IL4I1: variants seen among roughly 807,000 people sequenced by gnomAD.
The protein encoded by IL4I1 is L-amino-acid oxidase.
IL4I1 carries 24 observed loss-of-function variants against 29.7 expected under a neutral mutation model. The ratio of observed to expected loss-of-function variants is 0.81; its 90% CI spans 0.59 to 1.14. The LOEUF (loss-of-function observed/expected upper bound fraction) is 1.14, where lower values mean the gene tolerates loss of function less well. Ranked by LOEUF, IL4I1 falls within the 50% of genes most tolerant of loss-of-function variation. The probability of loss-of-function intolerance (pLI) is 0.00; values close to 1 mark genes in which losing one functional copy is unlikely to be tolerated. For synonymous variants in IL4I1, 371 were observed against 352.5 expected (o/e 1.05, Z -0.59); for missense variants, 686 against 785.6 (o/e 0.87, Z 1.52).
intron 2 of IL4I1, among the ~76,000 whole-genome samples, chr19:49,923,984 C>T (rs1176524642): frequency 1.3e-5 from 2 of 152,224 alleles, no homozygotes; most frequent in Non-Finnish European, 1.5e-5. Context: ...TTCCATCATG[C>T]CAGGAGGCCA....
chr19:49,889,877 G>A lies in IL4I1; in HGVS notation c.1497C>T (p.Arg499=), dbSNP rs775033645. 16 of 1,602,484 alleles carry A rather than the reference G, an allele frequency of 1.0e-5. No homozygotes were observed. In the South Asian group the frequency reaches 1.8e-4, roughly 18 times the overall value. The stretch of plus-strand genomic sequence containing the variant: ...TCCGGCTGTTGATCTTGATGGCGGC[G>A]CGCAGCGCCGACTTGACCGCCGTCT... ...WVETAVKSAL[R]AAIKINSRKG... Residue 499 remains arginine, a synonymous_variant, in exon 8 of 8, where the codon CGC becomes CGT. Coordinates refer to ENST00000391826, the MANE Select transcript of IL4I1 (RefSeq NM_152899.2).
At chr19:49,913,589 C>CT (rs2075539636) in intron 2 of IL4I1, among the ~76,000 whole-genome samples, 1 of 152,264 alleles carries the variant, frequency 6.6e-6, no homozygotes, top group South Asian at 2.1e-4. Flanking sequence ...TGAGCACTGT[C>CT]CGCGGGACTC....
intron 1 of IL4I1, chr19:49,928,019 C>A (rs2075948175): frequency 6.6e-6 from 1 of 152,306 alleles, no homozygotes; most frequent in Non-Finnish European, 1.5e-5. Flanking sequence ...AAGGACGCAG[C>A]TGGGGCCTCG....
intron 2 of IL4I1, among the ~76,000 whole-genome samples, chr19:49,927,119 C>T (rs1317100089): frequency 6.6e-6 from 1 of 152,080 alleles, no homozygotes; most frequent in Non-Finnish European, 1.5e-5. Context: ...CCTCAGCCTC[C>T]CAGGGTGGTG....
chr19:49,891,044 AC>A lies in IL4I1; in HGVS notation c.699del (p.Met233IlefsTer42), dbSNP rs1374631087. On this transcript the variant is annotated frameshift_variant, in exon 7 of 8. Coordinates refer to ENST00000391826, the MANE Select transcript of IL4I1 (RefSeq NM_152899.2). LOFTEE classifies it high-confidence loss of function. ...CTGAGATAGAAGAAGCCATCCTCGG[AC>A]ATCACGTCTCCCAGAAGCTGCACGG... ...RPAVQLLGDV[M>X]SEDGFFYLSF... The A allele has an allele frequency of 3.7e-6, 6 of 1,612,774 alleles. No homozygotes were observed. The East Asian group carries it at 1.3e-4, about 36-fold the overall frequency.
At chr19:49,910,998 G>C (rs1419439347) in intron 2 of IL4I1, 1 of 152,202 alleles carries the variant, frequency 6.6e-6, no homozygotes, top group East Asian at 1.9e-4. Context: ...CAACCTCCTG[G>C]ACCCAAGTGA....
At chr19:49,910,334 A>C (rs1333420622) in intron 2 of IL4I1, among the ~76,000 whole-genome samples, 2 of 151,902 alleles carry the variant, frequency 1.3e-5, no homozygotes, top group Non-Finnish European at 2.9e-5. Context: ...GCCTCTCTGG[A>C]CCTCAGAGAG....
In IL4I1 at chr19:49,890,345, C is replaced by T. The variant is rs370733407; in HGVS notation, c.1029G>A (p.Ala343=). The T allele has an allele frequency of 4.5e-4, 716 of 1,607,630 alleles. 1 individual carries two copies. The highest frequency in any genetic ancestry group is 8.3e-4 in the Middle Eastern group (5 of 6,036). The change falls in exon 8 of 8, where the codon GCG becomes GCA. Residue 343 remains alanine, a synonymous_variant. Transcript: ENST00000391826. ...CCGGCACGTAGTGCAGCCTCCGCAG[C>T]GCCTCCTGCATGTGGCGGGGCAGCG... ...SPPLPRHMQE[A]LRRLHYVPAT... is the part of the protein sequence containing the mutation.
At chr19:49,926,994 G>T (rs1008267180) in intron 2 of IL4I1, among the ~76,000 whole-genome samples, 2 of 151,912 alleles carry the variant, frequency 1.3e-5, no homozygotes, top group African/African-American at 4.8e-5. Flanking sequence ...TGAGTAGCTG[G>T]GACCACAGGT....
chr19:49,911,719 G>C (rs2075468336), intron 2 of IL4I1, among the ~76,000 whole-genome samples: 2 of 152,208 alleles, frequency 1.3e-5, no homozygotes, highest in Non-Finnish European at 2.9e-5. Flanking sequence ...CATCACTACT[G>C]ACTGGGAGCA....
rs1044657638 is a variant in IL4I1 at position 49,921,250 on chromosome 19, G to C, written c.-228+6444C>G. On this transcript the variant is annotated intron_variant, in intron 2 of 9. Transcript: ENST00000341114. This position sits in a 1 kb window ranked among gnomAD's most constrained non-coding sequence, Gnocchi z 5.4. ...AGGGGAGAGGACTTCAGTCACCTGC[G>C]TAAAGTCCCACAACCAGTAAGGGCT... 6.6e-6 allele frequency among the ~76,000 whole-genome samples: 1 copy of C among 152,108 alleles called. No individual in the cohort carries two copies. Among genetic ancestry groups the C allele is most frequent in the Non-Finnish European group, 1.5e-5 (1 of 68,024 alleles).
chr19:49,907,513 T>C (rs1012690905), intron 2 of IL4I1: 1 of 438,780 alleles, frequency 2.3e-6, no homozygotes, highest in Non-Finnish European at 4.5e-6. Flanking sequence ...ACTCGAAAAC[T>C]AGGCTGCTGT....
chr19:49,905,021 T>G (rs541590775), intron 2 of IL4I1, among the ~76,000 whole-genome samples: 5 of 152,170 alleles, frequency 3.3e-5, no homozygotes, highest in Non-Finnish European at 2.9e-5. Context: ...CTAATTTTTG[T>G]ATTTTTAGAA....
chr19:49,904,394 C>T (rs12971496), intron 2 of IL4I1: 2,849 of 152,262 alleles, frequency 0.019, 42 homozygotes, highest in Non-Finnish European at 0.029. Flanking sequence ...GATGCTGCTG[C>T]GATCTCGGGA....
chr19:49,920,760 C>T lies in IL4I1; in HGVS notation c.-228+6934G>A, dbSNP rs1382264665. The stretch of plus-strand genomic sequence containing the variant: ...AACGCTCTGGTTGGCGGTGCAGGCA[C>T]AGGACATCAAGGCCTGGAGAGGGAC... On this transcript the variant is annotated intron_variant, in intron 2 of 9. Transcript: ENST00000341114. Among the ~76,000 whole-genome samples the T allele has an allele frequency of 2.6e-5, 4 of 152,214 alleles. 1 individual carries two copies. In the South Asian group the frequency reaches 6.2e-4, roughly 24 times the overall value.
chr19:49,912,166 CTT>C (rs60350799), intron 2 of IL4I1, among the ~76,000 whole-genome samples: 1,355 of 115,410 alleles, frequency 0.012, 10 homozygotes, highest in African/African-American at 0.034. Flanking sequence ...AACAGTTCAC[CTT>C]TTTTTTTTTT....
chr19:49,904,952 C>T (rs559279538), intron 2 of IL4I1, among the ~76,000 whole-genome samples: 9 of 152,098 alleles, frequency 5.9e-5, no homozygotes, highest in African/African-American at 1.7e-4. Context: ...CCTCGTGATC[C>T]GCCCACCTTG....
chr19:49,908,414 G>A (rs774107779), intron 2 of IL4I1: 1 of 1,614,182 alleles, frequency 6.2e-7, no homozygotes, highest in Non-Finnish European at 8.5e-7. Context: ...ACTGGTGTCG[G>A]CGGGGGCCCC....
intron 6 of IL4I1, 104 bp from the exon 7 acceptor site, chr19:49,891,211 G>T: frequency 6.7e-7 from 1 of 1,490,124 alleles, no homozygotes; most frequent in Non-Finnish European, 9.2e-7. Flanking sequence ...TCCTTGGACC[G>T]TAGGATCCTG....
Sources: gnomAD v4.1 joint callset for allele counts (sites outside exome capture counted in the v4.1 genomes callset) on GRCh38, gnomAD v4.1.1 for gene constraint, Gnocchi (gnomAD v3.1) non-coding constraint, MANE v1.5 for transcripts, NCBI Gene and HGNC (gene_info 2026-07-23, HGNC 2026-07-21) for gene names.